The following CFAP97D1 variants were observed in gnomAD, a reference collection of about 807,000 sequenced individuals.
CFAP97D1 encodes the protein sperm axonemal maintenance protein CFAP97D1.
A neutral mutation model predicts 20.5 loss-of-function variants in CFAP97D1; 15 were observed. The ratio of observed to expected loss-of-function variants is 0.73; its 90% CI spans 0.49 to 1.13. The LOEUF (loss-of-function observed/expected upper bound fraction) is 1.13, where lower values mean the gene tolerates loss of function less well. CFAP97D1 is among the 50% of genes most tolerant of loss of function. CFAP97D1 has a pLI of 0.00. For synonymous variants in CFAP97D1, 58 were observed against 71.2 expected, an observed-to-expected ratio of 0.82 and a Z score of 0.93; for missense variants, 168 against 202.9, an observed-to-expected ratio of 0.83 and a Z score of 1.04.
rs112085164 is a variant in CFAP97D1, at chr17:43,786,955, C to CATTATTATTATTATTATTATTATT, written c.*2577_*2600dup. 195 of 149,724 alleles carry CATTATTATTATTATTATTATTATT rather than the reference C, an allele frequency of 1.3e-3. 1 individual carries two copies. Among genetic ancestry groups the CATTATTATTATTATTATTATTATT allele is most frequent in the African/African-American group, 4.6e-3 (186 of 40,572 alleles). 9.3% of individuals were successfully genotyped at this position (149,724 alleles called of 1,614,324 possible). ...TTGGGGTAGTTTCTAGTTTTTCAAA[C>CATTATTATTATTATTATTATTATT]ATTATTATTATTATTATTATTATTA... On this transcript the variant is annotated 3_prime_UTR_variant, in exon 6 of 6. Coordinates refer to ENST00000449302, the MANE Select transcript of CFAP97D1 (RefSeq NM_001136483.3).
intron 3 of CFAP97D1, 126 bp from the exon 4 acceptor site, chr17:43,783,054 C>T (rs1974491178): frequency 8.3e-7 from 1 of 1,200,152 alleles, no homozygotes. Context: ...GGCCTGTGGG[C>T]TCAGCAGGAC....
intron 1 of CFAP97D1, 91 bp downstream of exon 1, chr17:43,780,677 G>A (rs1200199262): frequency 7.1e-7 from 1 of 1,416,812 alleles, no homozygotes; most frequent in Admixed American, 2.1e-5. Flanking sequence ...CCAGGTCACA[G>A]CTTTGGGATG....
chr17:43,780,542 T>C lies in CFAP97D1; in HGVS notation c.80T>C (p.Leu27Pro), dbSNP rs567922770. Reference protein sequence around the residue: ...HRQSTTFRKKLDFGHYVSHKN... With the variant: ...HRQSTTFRKKPDFGHYVSHKN... ...CAAAGCACAACCTTCAGAAAGAAAC[T>C]GGACTTTGGCCACTACGTATCTCAC... is the stretch of plus-strand genomic sequence containing the variant. The change falls in exon 1 of 6, where the codon CTG (leucine) becomes CCG (proline). Residue 27 changes from leucine (L) to proline (P), a missense_variant. Coordinates refer to ENST00000449302, the MANE Select transcript of CFAP97D1 (RefSeq NM_001136483.3). The C allele has an allele frequency of 5.8e-6, 9 of 1,551,716 alleles. No homozygotes were observed. In the South Asian group the frequency reaches 8.3e-5, roughly 14 times the overall value.
chr17:43,781,292 A>C, intron 2 of CFAP97D1, 103 bp downstream of exon 2: 1 of 964,686 alleles, frequency 1.0e-6, no homozygotes, highest in Non-Finnish European at 1.6e-6. Flanking sequence ...ATACCCATCT[A>C]CTCAAAGATT....
At chr17:43,781,689 T>C in intron 2 of CFAP97D1, 85 bp from the exon 3 acceptor site, 2 of 916,566 alleles carry the variant, frequency 2.2e-6, no homozygotes, top group Non-Finnish European at 3.5e-6. Flanking sequence ...TTTCCCACGA[T>C]CTCAGAGGAG....
chr17:43,782,850 A>C (rs1015314435), intron 3 of CFAP97D1: 1 of 227,894 alleles, frequency 4.4e-6, no homozygotes, highest in Non-Finnish European at 8.7e-6. Context: ...CCTTCCCCCA[A>C]CCAGAAGTTC....
intron 2 of CFAP97D1, 118 bp downstream of exon 2, chr17:43,781,307 A>T (rs1974470368): frequency 1.2e-6 from 1 of 825,314 alleles, no homozygotes; most frequent in Non-Finnish European, 1.9e-6. Context: ...AAGATTTGTT[A>T]ATACTCCTCC....
At chr17:43,782,688 A>G (rs181847845) in intron 3 of CFAP97D1, 68 of 158,352 alleles carry the variant, frequency 4.3e-4, no homozygotes, top group African/African-American at 1.5e-3. Flanking sequence ...GATACAAAAG[A>G]AGCTCATGCA....
chr17:43,781,274 C>G, intron 2 of CFAP97D1, 85 bp downstream of exon 2: 1 of 1,105,910 alleles, frequency 9.0e-7, no homozygotes, highest in South Asian at 1.4e-5. Flanking sequence ...TTTCCCAGAG[C>G]CTTCTAAATA....
chr17:43,782,263 G>T (rs1363716313), intron 3 of CFAP97D1, among the ~76,000 whole-genome samples: 1 of 152,210 alleles, frequency 6.6e-6, no homozygotes, highest in Non-Finnish European at 1.5e-5. Context: ...GAAGTCCAAA[G>T]ATCAAGGTGC....
At chr17:43,782,485 C>T (rs1431533352) in intron 3 of CFAP97D1, among the ~76,000 whole-genome samples, 2 of 152,150 alleles carry the variant, frequency 1.3e-5, no homozygotes. Flanking sequence ...GGCATCTGTT[C>T]CATAGCACCA....
intron 3 of CFAP97D1, among the ~76,000 whole-genome samples, chr17:43,782,355 A>G (rs4793029): frequency 0.1 from 15,579 of 152,236 alleles, 995 homozygotes; most frequent in African/African-American, 0.17. Context: ...AAGGAGAAAG[A>G]GGCTTCTTTC....
chr17:43,781,768 T>C lies in CFAP97D1; in HGVS notation c.196-6T>C. On this transcript the variant is annotated splice_polypyrimidine_tract_variant and splice_region_variant and intron_variant, in intron 2 of 5. Coordinates refer to ENST00000449302, the MANE Select transcript of CFAP97D1 (RefSeq NM_001136483.3). Reference sequence around the variant, plus strand: ...GTCACCATGGTGAGGTGTGGTTTCTTACCAGGGTGAACAAAAGAAAATCAA... The same window carrying C: ...GTCACCATGGTGAGGTGTGGTTTCTCACCAGGGTGAACAAAAGAAAATCAA... 6.5e-7 allele frequency: 1 copy of C among 1,537,814 alleles called. No homozygotes were observed. The highest frequency in any genetic ancestry group is 1.2e-5 in the South Asian group (1 of 83,756).
At chr17:43,781,064 C>G in intron 1 of CFAP97D1, 55 bp from the exon 2 acceptor site, 2 of 1,360,994 alleles carry the variant, frequency 1.5e-6, no homozygotes, top group South Asian at 2.5e-5. Flanking sequence ...TTTTCTGAGG[C>G]CGCTACTGGA....
In CFAP97D1 at chr17:43,783,374, C is replaced by T. The variant is rs556313879; in HGVS notation, c.438+71C>T. On this transcript the variant is annotated intron_variant, in intron 4 of 5. Transcript: ENST00000449302. The stretch of plus-strand genomic sequence containing the variant: ...TCGGTGTTCAGCCTAGAGAGAGTCT[C>T]AGAAAAATCCCTGAACAGCTAGAGT... 4.7e-5 allele frequency: 72 copies of T among 1,518,342 alleles called. No individual in the cohort carries two copies. In the African/African-American group the frequency reaches 8.9e-4, roughly 19 times the overall value. 94.1% of individuals were successfully genotyped at this position (1,518,342 alleles called of 1,614,324 possible). A position where few individuals can be genotyped will look rare whatever the true frequency, so the allele number is the denominator to read the frequency against.
rs927638330 is a variant in CFAP97D1 at position 43,781,609 on chromosome 17, G to A, written c.196-165G>A. Reference sequence around the variant, plus strand: ...CAAAGTGCTGGGATTACAGGCGTGAGCCACCGTGCCCGGCCGCCCAGTCTT... The same window carrying A: ...CAAAGTGCTGGGATTACAGGCGTGAACCACCGTGCCCGGCCGCCCAGTCTT... On this transcript the variant is annotated intron_variant, in intron 2 of 5. Transcript: ENST00000449302. 2.6e-5 allele frequency among the ~76,000 whole-genome samples: 4 copies of A among 151,692 alleles called. No individual in the cohort carries two copies. The East Asian group carries it at 5.8e-4, about 22-fold the overall frequency.
chr17:43,783,019 G>A, intron 3 of CFAP97D1, 161 bp from the exon 4 acceptor site: 1 of 771,716 alleles, frequency 1.3e-6, no homozygotes. Context: ...CCGGAGTGCA[G>A]TGCAGACCAA....
chr17:43,783,773 T>G, intron 4 of CFAP97D1, 64 bp from the exon 5 acceptor site: 1 of 1,237,618 alleles, frequency 8.1e-7, no homozygotes, highest in Non-Finnish European at 1.2e-6. Context: ...ATCCCTGGGA[T>G]TTAGAACTTC....
rs953025756 is a variant in CFAP97D1, at chr17:43,787,001, C to A, written c.*2619C>A. On this transcript the variant is annotated 3_prime_UTR_variant, in exon 6 of 6. Coordinates refer to ENST00000449302, the MANE Select transcript of CFAP97D1 (RefSeq NM_001136483.3). Reference sequence around the variant, plus strand: ...TATTATTTTGAGATGGAGTCTCATTCTGTTGCCCAGGCTGGAGTGCAGTGG... The same window carrying A: ...TATTATTTTGAGATGGAGTCTCATTATGTTGCCCAGGCTGGAGTGCAGTGG... The A allele has an allele frequency of 6.9e-6, 1 of 144,562 alleles. No individual in the cohort carries two copies. Among genetic ancestry groups the A allele is most frequent in the Non-Finnish European group, 1.5e-5 (1 of 66,792 alleles). The allele number at this position is 144,562 out of a possible 1,614,324, so 9.0% of individuals were successfully genotyped here. A position where few individuals can be genotyped will look rare whatever the true frequency, so the allele number is the denominator to read the frequency against.
Sources: allele counts gnomAD v4.1 joint callset (sites outside exome capture counted in the v4.1 genomes callset), GRCh38; gene constraint gnomAD v4.1.1; transcripts MANE v1.5; gene names NCBI Gene and HGNC (gene_info 2026-07-23, HGNC 2026-07-21).